Variants in RBFOX1 observed in about 807,000 individuals in gnomAD.
RBFOX1 encodes the protein RNA binding protein fox-1 homolog 1.
RBFOX1 carries 8 observed loss-of-function variants against 57.7 expected under a neutral mutation model. The observed-to-expected ratio is 0.14, with a 90% confidence interval of 0.08 to 0.25. The LOEUF is 0.25. Ranked by LOEUF, RBFOX1 falls within the 10% of genes least tolerant of loss-of-function variation. The pLI, the probability that RBFOX1 is intolerant of heterozygous loss-of-function variation, is 1.00. For missense variants in RBFOX1, 611 were observed against 548.5 expected (o/e 1.11, Z -1.14); for synonymous variants, 326 against 222.4 (o/e 1.47, Z -4.15).
At chr16:6,825,266 C>G (rs938240643) in intron 3 of RBFOX1, among the ~76,000 whole-genome samples, 5 of 150,798 alleles carry the variant, frequency 3.3e-5, no homozygotes, top group Non-Finnish European at 7.4e-5. Flanking sequence ...AATGCCACAC[C>G]CCTTCCCTAC....
intron 1 of RBFOX1, among the ~76,000 whole-genome samples, chr16:5,345,472 G>C (rs2065120627): frequency 6.6e-6 from 1 of 152,192 alleles, no homozygotes; most frequent in Non-Finnish European, 1.5e-5. Context: ...TCCATCAGTG[G>C]TCAAAATGAA....
At chr16:5,531,569 C>T (rs1055545809) in intron 2 of RBFOX1, among the ~76,000 whole-genome samples, 3 of 152,122 alleles carry the variant, frequency 2.0e-5, no homozygotes, top group Non-Finnish European at 4.4e-5. Flanking sequence ...ACCAAGGGAC[C>T]TTGGGAATGT....
At chr16:7,003,800 C>G (rs1027262451) in intron 3 of RBFOX1, among the ~76,000 whole-genome samples, 4 of 152,062 alleles carry the variant, frequency 2.6e-5, no homozygotes, top group African/African-American at 7.2e-5. Flanking sequence ...TGGGATGAGA[C>G]TAAAGGACAA....
chr16:5,856,486 G>A (rs528201395), intron 3 of RBFOX1, among the ~76,000 whole-genome samples: 6 of 132,564 alleles, frequency 4.5e-5, no homozygotes, highest in Admixed American at 7.9e-5. Flanking sequence ...CTTATCCTAC[G>A]TAACTGAAAT....
rs78504142 is a variant in RBFOX1, at chr16:7,267,019, G to A, written c.27+214921G>A. Among the ~76,000 whole-genome samples, 614 of 152,226 alleles carry A rather than the reference G, an allele frequency of 4.0e-3. 7 individuals carry two copies. The highest frequency in any genetic ancestry group is 0.014 in the African/African-American group (584 of 41,542). On this transcript the variant is annotated intron_variant, in intron 4 of 15. Transcript: ENST00000550418. ...CAAAACAAAAACAAGGTTCAAAAGG[G>A]TGAGCCAGCGGGGTAGACAGGAGGC... is the stretch of plus-strand genomic sequence containing the variant.
chr16:6,528,882 C>G (rs2096618139), intron 2 of RBFOX1, among the ~76,000 whole-genome samples: 1 of 152,080 alleles, frequency 6.6e-6, no homozygotes, highest in Non-Finnish European at 1.5e-5. Flanking sequence ...CCAAATGTCT[C>G]CTGGTGGAAG....
At chr16:5,465,535 A>G (rs2068925803) in intron 1 of RBFOX1, among the ~76,000 whole-genome samples, 1 of 152,158 alleles carries the variant, frequency 6.6e-6, no homozygotes, top group South Asian at 2.1e-4. Context: ...TGTATCCAGC[A>G]TCTACTCTGT....
chr16:5,780,668 A>G (rs2054296767), intron 3 of RBFOX1, among the ~76,000 whole-genome samples: 1 of 152,168 alleles, frequency 6.6e-6, no homozygotes. Flanking sequence ...CCTGCTTTGT[A>G]TCCCATTCTC....
At chr16:6,556,712 T>A (rs1034897580) in intron 2 of RBFOX1, among the ~76,000 whole-genome samples, 1 of 152,194 alleles carries the variant, frequency 6.6e-6, no homozygotes, top group African/African-American at 2.4e-5. Flanking sequence ...TGTATTGTGA[T>A]GATCTGCCGT....
chr16:5,584,934 C>G (rs538227354), intron 2 of RBFOX1, among the ~76,000 whole-genome samples: 7 of 151,896 alleles, frequency 4.6e-5, no homozygotes, highest in Admixed American at 2.0e-4. Flanking sequence ...TGAAAAAATA[C>G]GGTCAAAGCA....
At chr16:7,361,120 A>G (rs1182045240) in intron 4 of RBFOX1, among the ~76,000 whole-genome samples, 1 of 152,162 alleles carries the variant, frequency 6.6e-6, no homozygotes, top group Non-Finnish European at 1.5e-5. Flanking sequence ...CAGGGACAGA[A>G]AGTGGACACC....
intron 4 of RBFOX1, among the ~76,000 whole-genome samples, chr16:7,325,236 C>T (rs2096596265): frequency 6.6e-6 from 1 of 152,176 alleles, no homozygotes; most frequent in Non-Finnish European, 1.5e-5. Flanking sequence ...ATTTAAATCT[C>T]TGGACCACTC....
At chr16:6,268,289 G>A (rs1234801249) in intron 1 of RBFOX1, among the ~76,000 whole-genome samples, 2 of 152,168 alleles carry the variant, frequency 1.3e-5, no homozygotes, top group Non-Finnish European at 2.9e-5. Flanking sequence ...TAGCAGGTAT[G>A]GAGCAGGTCG....
intron 4 of RBFOX1, among the ~76,000 whole-genome samples, chr16:5,966,995 G>T (rs1277480113): frequency 1.4e-5 from 2 of 139,164 alleles, no homozygotes; most frequent in African/African-American, 5.3e-5. Context: ...CTAAATCGGG[G>T]GGGGGGGGGT....
At chr16:5,507,198 C>A (rs550438895) in intron 2 of RBFOX1, among the ~76,000 whole-genome samples, 5 of 152,114 alleles carry the variant, frequency 3.3e-5, no homozygotes, top group African/African-American at 9.7e-5. Flanking sequence ...ATGCCTGGCA[C>A]CGAATAAGCA....
At chr16:6,821,532 A>G (rs921172748) in intron 3 of RBFOX1, among the ~76,000 whole-genome samples, 2 of 152,178 alleles carry the variant, frequency 1.3e-5, no homozygotes, top group Non-Finnish European at 2.9e-5. Context: ...TCCCATGCCT[A>G]TTAATCAGAT....
At chr16:6,589,657 A>C (rs1010132889) in intron 2 of RBFOX1, among the ~76,000 whole-genome samples, 1 of 152,216 alleles carries the variant, frequency 6.6e-6, no homozygotes, top group African/African-American at 2.4e-5. Flanking sequence ...CATAATTTCT[A>C]ATCTTGTGGC....
chr16:7,112,528 A>T (rs372120949), intron 4 of RBFOX1, among the ~76,000 whole-genome samples: 4 of 152,106 alleles, frequency 2.6e-5, no homozygotes, highest in African/African-American at 9.6e-5. Context: ...CTTTTAACAT[A>T]TATTGTCCAT....
chr16:6,609,440 C>G (rs913141262), intron 2 of RBFOX1, among the ~76,000 whole-genome samples: 5 of 152,078 alleles, frequency 3.3e-5, no homozygotes, highest in African/African-American at 1.2e-4. Context: ...CTCTGCCTCC[C>G]AGGCTCAATC....
Sources: allele counts gnomAD v4.1 joint callset (sites outside exome capture counted in the v4.1 genomes callset), GRCh38; gene constraint gnomAD v4.1.1; transcripts MANE v1.5; gene names NCBI Gene and HGNC (gene_info 2026-07-23, HGNC 2026-07-21).